The following LRBA variants were observed in gnomAD, a reference collection of about 807,000 sequenced individuals.
The protein encoded by LRBA is lipopolysaccharide-responsive and beige-like anchor protein.
A neutral mutation model predicts 330.0 loss-of-function variants in LRBA; 176 were observed. That is an observed-to-expected ratio of 0.53 (90% confidence interval 0.47 to 0.60). LRBA has a LOEUF of 0.60. LRBA is among the 20% of genes least tolerant of loss of function. The probability of loss-of-function intolerance (pLI) is 0.00; values close to 1 mark genes in which losing one functional copy is unlikely to be tolerated. For missense variants in LRBA, 3,259 were observed against 3,444.8 expected, an observed-to-expected ratio of 0.95 and a Z score of 1.35; for synonymous variants, 1,230 against 1,193.0, an observed-to-expected ratio of 1.03 and a Z score of -0.64.
rs1737428267 is a variant in LRBA, at chr4:150,955,388, T to C, written c.217-26323A>G. On this transcript the variant is annotated intron_variant, in intron 2 of 56. Transcript: ENST00000651943. Reference sequence around the variant, plus strand: ...TAAAGCAGTGTTCAGAGGGAATTTATAGCTGTAAATGCCTACTTTAAAATA... The same window carrying C: ...TAAAGCAGTGTTCAGAGGGAATTTACAGCTGTAAATGCCTACTTTAAAATA... Among the ~76,000 whole-genome samples the C allele has an allele frequency of 2.7e-5, 4 of 149,460 alleles. No homozygotes were observed. In the South Asian group the frequency reaches 8.3e-4, roughly 31 times the overall value.
At chr4:150,776,962 G>A (rs868677062) in intron 34 of LRBA, among the ~76,000 whole-genome samples, 1 of 151,978 alleles carries the variant, frequency 6.6e-6, no homozygotes, top group Admixed American at 6.6e-5. Flanking sequence ...AATAGAACAT[G>A]CATTCAAGTT....
intron 40 of LRBA, among the ~76,000 whole-genome samples, chr4:150,527,838 G>A (rs912551839): frequency 2.0e-5 from 3 of 152,160 alleles, no homozygotes; most frequent in Admixed American, 6.5e-5. Context: ...TTGTTCTCCA[G>A]GGACAACTGA....
intron 37 of LRBA, among the ~76,000 whole-genome samples, chr4:150,665,841 A>G (rs1781509665): frequency 6.6e-6 from 1 of 152,222 alleles, no homozygotes; most frequent in Admixed American, 6.5e-5. Context: ...ACTTCACTTG[A>G]GTAAACATCT....
chr4:150,635,560 T>C (rs540670049), intron 37 of LRBA, among the ~76,000 whole-genome samples: 1 of 152,236 alleles, frequency 6.6e-6, no homozygotes, highest in Non-Finnish European at 1.5e-5. Flanking sequence ...TTGTTGTATA[T>C]GAACTTGTTA....
In LRBA at chr4:150,757,868, C is replaced by T. The variant is rs933217380; in HGVS notation, c.5645+3915G>A. Among the ~76,000 whole-genome samples, 83 of 152,174 alleles carry T rather than the reference C, an allele frequency of 5.5e-4. 1 individual carries two copies. The highest frequency in any genetic ancestry group is 1.9e-3 in the African/African-American group (79 of 41,520). On this transcript the variant is annotated intron_variant, in intron 35 of 56. Coordinates refer to ENST00000651943, the MANE Select transcript of LRBA (RefSeq NM_001364905.1). The stretch of plus-strand genomic sequence containing the variant: ...ATTTCAAACACGTAAAAGATAAAGG[C>T]TGAGTGTTCTCTATAGGCTAAGCAC...
At chr4:150,766,299 T>C (rs893807806) in intron 34 of LRBA, among the ~76,000 whole-genome samples, 8 of 152,108 alleles carry the variant, frequency 5.3e-5, no homozygotes, top group Non-Finnish European at 1.2e-4. Context: ...AATACAGTCC[T>C]AATTACTAAT....
intron 2 of LRBA, among the ~76,000 whole-genome samples, chr4:150,955,189 T>C (rs1464669175): frequency 1.3e-5 from 2 of 148,932 alleles, no homozygotes; most frequent in Non-Finnish European, 2.9e-5. Context: ...GAGGATCACC[T>C]GAGCCTGAGA....
intron 47 of LRBA, among the ~76,000 whole-genome samples, chr4:150,400,281 T>C (rs1440817626): frequency 6.6e-6 from 1 of 152,176 alleles, no homozygotes; most frequent in Non-Finnish European, 1.5e-5. Context: ...AATATCTTCA[T>C]ATAGTTTAAA....
At chr4:150,870,727 T>C in intron 19 of LRBA, 121 bp from the exon 20 acceptor site, 1 of 556,324 alleles carries the variant, frequency 1.8e-6, no homozygotes. Flanking sequence ...ATATAGTATA[T>C]TTTTAGTCCA....
intron 2 of LRBA, among the ~76,000 whole-genome samples, chr4:150,976,862 A>G (rs1269437476): frequency 6.6e-6 from 1 of 152,212 alleles, no homozygotes. Context: ...GCCCTGTCAC[A>G]GCGGAAAGCA....
intron 40 of LRBA, among the ~76,000 whole-genome samples, chr4:150,569,142 T>C (rs1769523702): frequency 6.6e-6 from 1 of 152,100 alleles, no homozygotes; most frequent in Non-Finnish European, 1.5e-5. Context: ...GCTATTATCA[T>C]TGTAGATGCA....
At chr4:150,898,053 T>C (rs1413682865) in intron 14 of LRBA, among the ~76,000 whole-genome samples, 1 of 152,008 alleles carries the variant, frequency 6.6e-6, no homozygotes, top group Non-Finnish European at 1.5e-5. Flanking sequence ...ATGAAGAAGT[T>C]TGTACTTTGA....
In LRBA at chr4:150,489,441, T is replaced by A. The variant is rs188979117; in HGVS notation, c.6448+1477A>T. Reference sequence around the variant, plus strand: ...AAAATATATTACATATAAGAATATATAATATATTATATATAAGAATATAAA... The same window carrying A: ...AAAATATATTACATATAAGAATATAAAATATATTATATATAAGAATATAAA... On this transcript the variant is annotated intron_variant, in intron 41 of 56. Coordinates refer to ENST00000651943, the MANE Select transcript of LRBA (RefSeq NM_001364905.1). Among the ~76,000 whole-genome samples, 17 of 23,422 alleles carry A rather than the reference T, an allele frequency of 7.3e-4. 2 individuals carry two copies. Among genetic ancestry groups the A allele is most frequent in the East Asian group, 1.4e-3 (1 of 694 alleles). The allele number at this position is 23,422 out of a possible 152,430, so 15.4% of individuals were successfully genotyped here.
intron 56 of LRBA, among the ~76,000 whole-genome samples, chr4:150,275,579 A>G (rs1363010765): frequency 1.3e-5 from 2 of 152,238 alleles, no homozygotes; most frequent in Admixed American, 1.3e-4. Context: ...CAACTTCAGC[A>G]AAGTCTCAGG....
intron 34 of LRBA, among the ~76,000 whole-genome samples, chr4:150,766,690 G>A (rs1582285600): frequency 6.6e-6 from 1 of 152,106 alleles, no homozygotes; most frequent in East Asian, 1.9e-4. Context: ...TTTCATCACA[G>A]TATTTACAAT....
Position 150,848,819 on chromosome 4 carries a change from T to C in LRBA, c.4338A>G (p.Leu1446=), listed in dbSNP as rs201059532. Residue 1446 remains leucine (L), a splice_region_variant and synonymous_variant, in exon 26 of 57, where the codon CTA becomes CTG. Transcript: ENST00000651943. ...TCCCAACGGTTTTTAGCAGCTCACC[T>C]AGTCGGAGACACTGCCGCAAAATTC... ...SGGILRQCLR[L]VCAVAVRNCL... The C allele has an allele frequency of 7.0e-5, 111 of 1,593,422 alleles. No homozygotes were observed. The East Asian group carries it at 1.9e-3, about 28-fold the overall frequency.
rs912987172 is a variant in LRBA, at chr4:151,014,589, C to T, written c.54G>A (p.Gly18=). 2.5e-6 allele frequency: 4 copies of T among 1,611,708 alleles called. 1 individual carries two copies. The South Asian group carries it at 3.3e-5, about 13-fold the overall frequency. Residue 18 remains glycine (G), a synonymous_variant, in exon 2 of 57, where the codon GGG becomes GGA. Transcript: ENST00000651943. ...VPSPPPTGDD[G]GGGGREETPT... is the part of the protein sequence containing the mutation. The stretch of plus-strand genomic sequence containing the variant: ...GGGTTTCTTCTCTCCCTCCACCTCC[C>T]CCGTCATCACCTGTTGGTGGCGGGG...
chr4:150,539,934 A>T (rs1357082498), intron 40 of LRBA, among the ~76,000 whole-genome samples: 1 of 152,226 alleles, frequency 6.6e-6, no homozygotes, highest in Non-Finnish European at 1.5e-5. Flanking sequence ...ACATTTATGT[A>T]CTCACAAATA....
At position 150,583,207 on chromosome 4, in the gene LRBA, G is replaced by C; in HGVS notation, c.6330+4841C>G. 6.2e-7 allele frequency: 1 copy of C among 1,614,232 alleles called. No homozygotes were observed. The highest frequency in any genetic ancestry group is 8.5e-7 in the Non-Finnish European group (1 of 1,180,042). On this transcript the variant is annotated intron_variant, in intron 40 of 56. Coordinates refer to ENST00000651943, the MANE Select transcript of LRBA (RefSeq NM_001364905.1). The surrounding 1 kb of genome is among the most constrained non-coding windows in gnomAD (Gnocchi z 9.8). ...CTTCATCAGCTCCTTGAGCGAGATCGATGCCCGCTACGAGGGGCTCGAGGT... is the reference window on the plus strand; with the variant it reads ...CTTCATCAGCTCCTTGAGCGAGATCCATGCCCGCTACGAGGGGCTCGAGGT...
Sources: allele counts gnomAD v4.1 joint callset (sites outside exome capture counted in the v4.1 genomes callset), GRCh38; gene constraint gnomAD v4.1.1; non-coding constraint Gnocchi (gnomAD v3.1); transcripts MANE v1.5; gene names NCBI Gene and HGNC (gene_info 2026-07-23, HGNC 2026-07-21).